BCL7C: variants seen among roughly 807,000 people sequenced by gnomAD.
BCL7C encodes the protein BAF chromatin remodeling complex subunit BCL7C.
Under a neutral mutation model 26.2 loss-of-function variants are expected in BCL7C, and 8 were observed. The ratio of observed to expected loss-of-function variants is 0.30; its 90% CI spans 0.18 to 0.55. The LOEUF (loss-of-function observed/expected upper bound fraction) is 0.55. Among genes scored for constraint, BCL7C ranks in the 20% least tolerant of loss-of-function variants. The pLI is 0.93. For synonymous variants in BCL7C, 90 were observed against 116.5 expected (o/e 0.77, Z 1.47); for missense variants, 262 against 298.5 (o/e 0.88, Z 0.90).
At position 30,855,782 on chromosome 16, in the gene BCL7C, TG is replaced by T. The variant is rs376893241; in HGVS notation, c.529-20635del. Among the ~76,000 whole-genome samples, 146 of 150,964 alleles carry T rather than the reference TG, an allele frequency of 9.7e-4. 6 individuals are homozygous for T. Among genetic ancestry groups the T allele is most frequent in the African/African-American group, 3.4e-3 (140 of 41,172 alleles). Reference sequence around the variant, plus strand: ...TCTATTTAAAAAGAAAAGAAAGGGCTGGGCGTGGTGGCTCATGCCTGTAATC... The same window carrying T: ...TCTATTTAAAAAGAAAAGAAAGGGCTGGCGTGGTGGCTCATGCCTGTAATC... On this transcript the variant is annotated intron_variant, in intron 5 of 5. Transcript: ENST00000380317.
chr16:30,880,160 A>C (rs1360271164), intron 5 of BCL7C, among the ~76,000 whole-genome samples: 1 of 151,904 alleles, frequency 6.6e-6, no homozygotes, highest in Non-Finnish European at 1.5e-5. Context: ...GGGGGAGGAC[A>C]GACATTGTGG....
intron 5 of BCL7C, among the ~76,000 whole-genome samples, chr16:30,860,281 G>A (rs773757535): frequency 2.0e-5 from 3 of 152,288 alleles, no homozygotes; most frequent in Non-Finnish European, 1.5e-5. Flanking sequence ...TCTGATCACC[G>A]CGGGGATGTC....
chr16:30,839,135 A>G (rs1018343969), intron 5 of BCL7C, among the ~76,000 whole-genome samples: 2 of 152,332 alleles, frequency 1.3e-5, no homozygotes, highest in Admixed American at 1.3e-4. Context: ...CAGATTTCCA[A>G]CAGATAACAG....
intron 5 of BCL7C, among the ~76,000 whole-genome samples, chr16:30,878,382 T>A (rs28736317): frequency 8.1e-6 from 1 of 123,220 alleles, no homozygotes; most frequent in Non-Finnish European, 1.9e-5. Flanking sequence ...TAAAAAAATT[T>A]AAAAAAATTA....
chr16:30,887,745 G>A, downstream of BCL7C: 4 of 1,449,818 alleles, frequency 2.8e-6, no homozygotes, highest in Non-Finnish European at 3.6e-6. Context: ...AGACAAAACT[G>A]TCTCCAAAGA....
chr16:30,866,389 G>A (rs1022124241), intron 5 of BCL7C, among the ~76,000 whole-genome samples: 2 of 151,718 alleles, frequency 1.3e-5, no homozygotes, highest in African/African-American at 2.4e-5. Flanking sequence ...CCAGCCTGGC[G>A]AACATGGTGA....
intron 5 of BCL7C, among the ~76,000 whole-genome samples, chr16:30,838,394 T>C (rs1468610123): frequency 6.6e-6 from 1 of 152,228 alleles, no homozygotes; most frequent in East Asian, 1.9e-4. Flanking sequence ...ATAGAGGCAC[T>C]GAGTAACGTT....
chr16:30,892,346 G>C (rs994187633), intron 4 of BCL7C, among the ~76,000 whole-genome samples: 1 of 143,836 alleles, frequency 7.0e-6, no homozygotes, highest in Non-Finnish European at 1.5e-5. Context: ...TGAGAGTGAG[G>C]AGAAAGATAA....
At chr16:30,874,874 G>A (rs1290806514) in intron 5 of BCL7C, among the ~76,000 whole-genome samples, 2 of 152,240 alleles carry the variant, frequency 1.3e-5, no homozygotes, top group East Asian at 3.9e-4. Context: ...TGGCGCGCCT[G>A]ACACGGTCAG....
chr16:30,868,386 C>T (rs1423431674), intron 5 of BCL7C, among the ~76,000 whole-genome samples: 10 of 150,708 alleles, frequency 6.6e-5, no homozygotes, highest in Non-Finnish European at 1.3e-4. Context: ...ATCCGCCCAC[C>T]TCGGCCTCCC....
At chr16:30,865,137 T>C (rs2151374535) in intron 5 of BCL7C, among the ~76,000 whole-genome samples, 1 of 137,522 alleles carries the variant, frequency 7.3e-6, no homozygotes, top group East Asian at 2.1e-4. Context: ...CACTGCACTC[T>C]ATCCAGCCTG....
intron 5 of BCL7C, among the ~76,000 whole-genome samples, chr16:30,882,015 C>T (rs539907155): frequency 1.3e-4 from 20 of 151,572 alleles, no homozygotes; most frequent in Admixed American, 8.6e-4. Flanking sequence ...GGCTGGAGTG[C>T]AGTGGTGCGA....
chr16:30,886,090 T>G (rs1306901077), downstream of BCL7C, among the ~76,000 whole-genome samples: 1 of 152,204 alleles, frequency 6.6e-6, no homozygotes, highest in African/African-American at 2.4e-5. Flanking sequence ...TCCTCCCACC[T>G]GTGCCTCTCA....
At chr16:30,854,846 C>T (rs138022977) in intron 5 of BCL7C, among the ~76,000 whole-genome samples, 147 of 152,114 alleles carry the variant, frequency 9.7e-4, no homozygotes, top group African/African-American at 3.4e-3. Flanking sequence ...GGATTACAGG[C>T]ACGTGCCAAC....
chr16:30,875,254 C>G (rs1268749538), intron 5 of BCL7C: 3 of 154,722 alleles, frequency 1.9e-5, no homozygotes, highest in Non-Finnish European at 4.4e-5. Context: ...CGAGGCCACG[C>G]GACATATCCC....
At chr16:30,837,129 C>T (rs1344712515) in intron 5 of BCL7C, among the ~76,000 whole-genome samples, 1 of 151,848 alleles carries the variant, frequency 6.6e-6, no homozygotes, top group Non-Finnish European at 1.5e-5. Context: ...TTTCAACTCT[C>T]GTCACTGAGT....
intron 5 of BCL7C, among the ~76,000 whole-genome samples, chr16:30,873,158 T>TA (rs2054895668): frequency 6.6e-6 from 1 of 152,170 alleles, no homozygotes; most frequent in Non-Finnish European, 1.5e-5. Context: ...TAAAAATAGA[T>TA]ACAATAAAAC....
chr16:30,883,764 G>A (rs1267526390), downstream of BCL7C, among the ~76,000 whole-genome samples: 2 of 148,094 alleles, frequency 1.4e-5, no homozygotes. Flanking sequence ...TGATCCGCCT[G>A]CCTTGGCCTC....
chr16:30,883,224 G>A (rs1237972211), downstream of BCL7C, among the ~76,000 whole-genome samples: 2 of 152,138 alleles, frequency 1.3e-5, no homozygotes, highest in Non-Finnish European at 2.9e-5. Flanking sequence ...GGTGGGGCCC[G>A]AGAGCCAGGG....
Sources: allele counts gnomAD v4.1 joint callset (sites outside exome capture counted in the v4.1 genomes callset), GRCh38; gene constraint gnomAD v4.1.1; transcripts MANE v1.5; gene names NCBI Gene and HGNC (gene_info 2026-07-23, HGNC 2026-07-21).